THAP8: variants seen among roughly 807,000 people sequenced by gnomAD.
The protein encoded by THAP8 is THAP domain-containing protein 8.
In THAP8, 24 loss-of-function variants were observed where a neutral mutation model predicts 25.0. That is an observed-to-expected ratio of 0.96 (90% CI 0.69 to 1.35). The LOEUF is 1.35. THAP8 is among the 40% of genes most tolerant of loss of function. The pLI is 0.00. For synonymous variants in THAP8, 169 were observed against 157.6 expected, an observed-to-expected ratio of 1.07 and a Z score of -0.54; for missense variants, 399 against 368.8, an observed-to-expected ratio of 1.08 and a Z score of -0.67.
chr19:36,054,053 C>G, intron 1 of THAP8, 82 bp downstream of exon 1: 2 of 1,476,300 alleles, frequency 1.4e-6, no homozygotes, highest in Non-Finnish European at 1.9e-6. Flanking sequence ...AGACCAGAAG[C>G]CCCGCACAGC....
At chr19:36,042,074 GAGGGGA>G (rs1207396585) in intron 1 of THAP8, among the ~76,000 whole-genome samples, 4 of 151,796 alleles carry the variant, frequency 2.6e-5, no homozygotes, top group African/African-American at 9.7e-5. Flanking sequence ...GATGGAGGAG[GAGGGGA>G]AGGGGAAGGG....
rs555558265 is a variant in THAP8, at chr19:36,036,402, AAT to A, written c.673-812_673-811del. The stretch of plus-strand genomic sequence containing the variant: ...GCAATACTCCCACTTCAGCCTCTCA[AAT>A]AGCTAGAACTATAGGTGCAACACTT... On this transcript the variant is annotated intron_variant, in intron 3 of 3. Coordinates refer to ENST00000292894, the MANE Select transcript of THAP8 (RefSeq NM_152658.3). Among the ~76,000 whole-genome samples, 622 of 151,486 alleles carry A rather than the reference AAT, an allele frequency of 4.1e-3. 1 individual carries two copies. The highest frequency in any genetic ancestry group is 6.9e-3 in the Non-Finnish European group (471 of 67,936).
chr19:36,048,906 AGTTT>A (rs1240117712), intron 1 of THAP8, among the ~76,000 whole-genome samples: 24 of 151,674 alleles, frequency 1.6e-4, no homozygotes, highest in African/African-American at 5.1e-4. Context: ...AGATTTGAGA[AGTTT>A]GTTTGTGCAG....
chr19:36,042,998 G>A (rs1969750820), intron 1 of THAP8, among the ~76,000 whole-genome samples: 1 of 151,482 alleles, frequency 6.6e-6, no homozygotes, highest in African/African-American at 2.4e-5. Context: ...GTGTGATCTC[G>A]GCTCACTGCA....
intron 3 of THAP8, among the ~76,000 whole-genome samples, chr19:36,038,323 G>A (rs1969551495): frequency 6.6e-6 from 1 of 151,978 alleles, no homozygotes; most frequent in African/African-American, 2.4e-5. Flanking sequence ...GTGCAGTGGT[G>A]CGATCTTGGC....
intron 1 of THAP8, among the ~76,000 whole-genome samples, chr19:36,046,810 T>C (rs553236931): frequency 1.3e-5 from 2 of 152,342 alleles, no homozygotes; most frequent in African/African-American, 2.4e-5. Context: ...GGCCACAATG[T>C]GTCCTGCTAA....
intron 1 of THAP8, chr19:36,045,964 CTAAT>C (rs1568553880): frequency 2.3e-6 from 1 of 442,678 alleles, no homozygotes; most frequent in South Asian, 1.6e-5. Flanking sequence ...GCATGGGAAA[CTAAT>C]AGTGTAATAA....
At chr19:36,039,807 T>C in intron 2 of THAP8, 89 bp from the exon 3 acceptor site, 3 of 1,512,398 alleles carry the variant, frequency 2.0e-6, no homozygotes, top group Non-Finnish European at 2.7e-6. Flanking sequence ...CAAGGGGGAC[T>C]TGCCTAGGTA....
At position 36,035,079 on chromosome 19, in the gene THAP8, C is replaced by T. The variant is rs1430076362; in HGVS notation, c.*361G>A. On this transcript the variant is annotated 3_prime_UTR_variant, in exon 4 of 4. Coordinates refer to ENST00000292894, the MANE Select transcript of THAP8 (RefSeq NM_152658.3). ...GGGCAGGGATTTTCTCAGCTGTGTCCACCATGGTATCATGAACTCAGTACC... is the reference window on the plus strand; with the variant it reads ...GGGCAGGGATTTTCTCAGCTGTGTCTACCATGGTATCATGAACTCAGTACC... 1 of 192,482 alleles carries T rather than the reference C, an allele frequency of 5.2e-6. No homozygotes were observed. The highest frequency in any genetic ancestry group is 2.3e-5 in the African/African-American group (1 of 43,008). The allele number at this position is 192,482 out of a possible 1,614,324, so 11.9% of individuals were successfully genotyped here.
At chr19:36,052,114 G>A (rs1224357477) in intron 1 of THAP8, among the ~76,000 whole-genome samples, 3 of 151,614 alleles carry the variant, frequency 2.0e-5, no homozygotes, top group Non-Finnish European at 2.9e-5. Context: ...GCGCAATCTC[G>A]GCTCACTGCA....
chr19:36,041,139 C>T (rs1460767008), intron 1 of THAP8, among the ~76,000 whole-genome samples: 1 of 146,832 alleles, frequency 6.8e-6, no homozygotes, highest in Non-Finnish European at 1.5e-5. Context: ...AGGGAGACCT[C>T]GACTCTACAA....
chr19:36,051,578 G>C (rs1187270790), intron 1 of THAP8, among the ~76,000 whole-genome samples: 3 of 152,106 alleles, frequency 2.0e-5, no homozygotes, highest in Non-Finnish European at 4.4e-5. Context: ...GAAGAGGAGA[G>C]GGTTAGAAGT....
intron 1 of THAP8, among the ~76,000 whole-genome samples, chr19:36,046,239 T>C (rs1487549198): frequency 1.3e-5 from 2 of 152,172 alleles, no homozygotes; most frequent in African/African-American, 4.8e-5. Context: ...CCTGCCCCCA[T>C]GTAAGATGTT....
intron 3 of THAP8, among the ~76,000 whole-genome samples, chr19:36,037,363 C>CACACAT (rs1163286136): frequency 6.6e-6 from 1 of 151,570 alleles, no homozygotes; most frequent in East Asian, 1.9e-4. Flanking sequence ...CACACACACA[C>CACACAT]ACACACACAC....
In THAP8 at chr19:36,039,652, G is replaced by T. The variant is rs1190107912; in HGVS notation, c.343C>A (p.Pro115Thr). ...SPPPPLQKNTPLPQSPAIPVS... is the reference protein window; with the variant it reads ...SPPPPLQKNTTLPQSPAIPVS... ...GGGATGGCAGGGCTCTGGGGCAGGG[G>T]TGTATTCTTCTGTAGGGGAGGCGGC... The change falls in exon 3 of 4, where the codon CCC becomes ACC. Residue 115 changes from proline (P) to threonine (T), a missense_variant. Pro to Thr is a conservative substitution (Grantham distance 38). Transcript: ENST00000292894. 1.3e-6 allele frequency: 2 copies of T among 1,521,236 alleles called. No individual in the cohort carries two copies. The highest frequency in any genetic ancestry group is 1.3e-5 in the South Asian group (1 of 78,698). The allele number at this position is 1,521,236 out of a possible 1,614,324, so 94.2% of individuals were successfully genotyped here.
chr19:36,047,472 C>CA (rs1423281570), intron 1 of THAP8, among the ~76,000 whole-genome samples: 2 of 152,150 alleles, frequency 1.3e-5, no homozygotes, highest in Non-Finnish European at 2.9e-5. Flanking sequence ...GGGGCACTGG[C>CA]AGCCACCTTG....
chr19:36,054,333 G>A (rs895921830), upstream of THAP8: 37 of 1,260,988 alleles, frequency 2.9e-5, no homozygotes, highest in Non-Finnish European at 3.8e-5. Flanking sequence ...GACGTCCGTG[G>A]AGTCTCGTCA....
intron 3 of THAP8, among the ~76,000 whole-genome samples, chr19:36,037,764 C>T (rs1207620684): frequency 2.6e-5 from 4 of 152,232 alleles, no homozygotes; most frequent in African/African-American, 4.8e-5. Context: ...CTCAGCCTCC[C>T]GAGTAGCTGG....
At chr19:36,036,247 T>C (rs1414625038) in intron 3 of THAP8, among the ~76,000 whole-genome samples, 1 of 149,314 alleles carries the variant, frequency 6.7e-6, no homozygotes, top group Non-Finnish European at 1.5e-5. Context: ...CTGCTAGATA[T>C]GCAGAGCCTT....
Sources: allele counts gnomAD v4.1 joint callset (sites outside exome capture counted in the v4.1 genomes callset), GRCh38; gene constraint gnomAD v4.1.1; transcripts MANE v1.5; gene names NCBI Gene and HGNC (gene_info 2026-07-23, HGNC 2026-07-21).